The following TYMP variants were observed in gnomAD, a reference collection of about 807,000 sequenced individuals.
TYMP encodes thymidine phosphorylase, also known as gliostatin.
In TYMP, 46 loss-of-function variants were observed where a neutral mutation model predicts 42.3. That is an observed-to-expected ratio of 1.09 (90% CI 0.86 to 1.39). The LOEUF (loss-of-function observed/expected upper bound fraction) is 1.39. TYMP is among the 40% of genes most tolerant of loss of function. The pLI is 0.00. For synonymous variants in TYMP, 363 were observed against 308.0 expected, an observed-to-expected ratio of 1.18 and a Z score of -1.87; for missense variants, 837 against 677.6, an observed-to-expected ratio of 1.24 and a Z score of -2.61.
At chr22:50,528,489 G>A (rs1172319144) in intron 4 of TYMP, 23 bp downstream of exon 4, 3 of 1,593,474 alleles carry the variant, frequency 1.9e-6, no homozygotes, top group Non-Finnish European at 2.6e-6. Context: ...CTGGATTAAT[G>A]ACTGATCCGT....
At position 50,526,648 on chromosome 22, in the gene TYMP, C is replaced by A. The variant is rs866001342; in HGVS notation, c.856G>T (p.Glu286Ter). The change falls in exon 7 of 10, where the codon GAG becomes TAG. Residue 286 changes from glutamate to a stop codon, truncating the protein, a stop_gained. Coordinates refer to ENST00000252029, the MANE Select transcript of TYMP (RefSeq NM_001953.5). LOFTEE classifies it high-confidence loss of function. ...PLGRCVGHAL[E>*]VEEALLCMDG... is the part of the protein sequence containing the mutation. ...ATGCAGAGCAGCGCCTCCTCCACCTCCAGGGCGTGGCCCACGCAGCGACCC... is the reference window on the plus strand; with the variant it reads ...ATGCAGAGCAGCGCCTCCTCCACCTACAGGGCGTGGCCCACGCAGCGACCC... 1 of 1,565,144 alleles carries A rather than the reference C, an allele frequency of 6.4e-7. No homozygotes were observed. The highest frequency in any genetic ancestry group is 8.6e-7 in the Non-Finnish European group (1 of 1,157,106).
In TYMP at chr22:50,527,254, C is replaced by G; in HGVS notation, c.676G>C (p.Gly226Arg). 1.2e-6 allele frequency: 2 copies of G among 1,613,722 alleles called. No individual in the cohort carries two copies. The highest frequency in any genetic ancestry group is 1.1e-5 in the South Asian group (1 of 91,076). The change falls in exon 6 of 10, where the codon GGG (glycine) becomes CGG (arginine). Residue 226 changes from glycine to arginine, a missense_variant. Transcript: ENST00000252029. The stretch of plus-strand genomic sequence containing the variant: ...ACGTCCACCACCAGAGCGGACAGCC[C>G]CTCCACGAGTTTCTTACTGAGAATG... Reference protein sequence around the residue: ...ASILSKKLVEGLSALVVDVKF... With the variant: ...ASILSKKLVERLSALVVDVKF...
At chr22:50,529,763 G>T in intron 1 of TYMP, 44 bp from the exon 2 acceptor site, 1 of 1,536,436 alleles carries the variant, frequency 6.5e-7, no homozygotes. Flanking sequence ...GCCTCCCGGC[G>T]TCGGTGTCTG....
intron 9 of TYMP, 21 bp downstream of exon 9, chr22:50,525,979 GC>G: frequency 7.2e-7 from 1 of 1,390,978 alleles, no homozygotes; most frequent in Non-Finnish European, 9.3e-7. Context: ...TGCGGGGCCA[GC>G]AGGGCGGGGG....
rs1064792858 is a variant in TYMP, at chr22:50,529,548, G to C, written c.162C>G (p.Ile54Met). The C allele has an allele frequency of 1.2e-6, 2 of 1,613,156 alleles. No individual in the cohort carries two copies. The highest frequency in any genetic ancestry group is 1.7e-6 in the Non-Finnish European group (2 of 1,179,940). ...TCACCACAGCGGCCACGAAGCCCCT[G>C]ATGTCCGCTTCGCTCAGGCGGCCTC... ...RDGGRLSEAD[I>M]RGFVAAVVNG... is the part of the protein sequence containing the mutation. Residue 54 changes from isoleucine (I) to methionine (M), a missense_variant, in exon 2 of 10, where the codon ATC (isoleucine) becomes ATG (methionine). Ile to Met is a conservative substitution (Grantham distance 10). Transcript: ENST00000252029.
chr22:50,526,917 G>A (rs989155835), intron 6 of TYMP, among the ~76,000 whole-genome samples, 179 bp from the exon 7 acceptor site: 1 of 152,256 alleles, frequency 6.6e-6, no homozygotes, highest in Non-Finnish European at 1.5e-5. Flanking sequence ...GGGCCAGGAG[G>A]AACTTGTACT....
In TYMP at chr22:50,529,195, C is replaced by T. The variant is rs863224250; in HGVS notation, c.358G>A (p.Gly120Ser). 6.2e-7 allele frequency: 1 copy of T among 1,613,204 alleles called. No individual in the cohort carries two copies. The highest frequency in any genetic ancestry group is 8.5e-7 in the Non-Finnish European group (1 of 1,180,018). The change falls in exon 3 of 10, where the codon GGT becomes AGT. Residue 120 changes from glycine to serine, a missense_variant. Transcript: ENST00000252029. ...ACCAGGCTGACCTTGTCACCCACAC[C>T]CCCTGTGGAATGCTTGTCCACAAGC... The part of the protein sequence containing the change: ...QQLVDKHSTG[G>S]VGDKVSLVLA...
rs1216115088 is a variant in TYMP, at chr22:50,525,934, C to CT, written c.1301-17dup. ...CAGGGGGTCCCTGCAGAGCGAGGGG[C>CT]TGTTAGAGGCCGCGCGGCCGGAGCT... On this transcript the variant is annotated splice_polypyrimidine_tract_variant and intron_variant, in intron 9 of 9. Transcript: ENST00000252029. 1 of 1,440,506 alleles carries CT rather than the reference C, an allele frequency of 6.9e-7. No homozygotes were observed. The highest frequency in any genetic ancestry group is 9.1e-7 in the Non-Finnish European group (1 of 1,103,324). The allele number at this position is 1,440,506 out of a possible 1,614,324, so 89.2% of individuals were successfully genotyped here.
chr22:50,526,430 C>G lies in TYMP; in HGVS notation c.975G>C (p.Gln325His). 1.3e-6 allele frequency: 2 copies of G among 1,508,950 alleles called. No homozygotes were observed. The highest frequency in any genetic ancestry group is 1.8e-6 in the Non-Finnish European group (2 of 1,137,886). The allele number at this position is 1,508,950 out of a possible 1,614,324, so 93.5% of individuals were successfully genotyped here. The stretch of plus-strand genomic sequence containing the variant: ...GCGCCGCGGCCACCCGGGCAGCGCC[C>G]TGGGCCTGAGTCCCCGCGTGTCCGC... ...WLSGHAGTQA[Q>H]GAARVAAALD... The change falls in exon 8 of 10, where the codon CAG (glutamine) becomes CAC (histidine). Residue 325 changes from glutamine (Q) to histidine (H), a missense_variant. By Grantham distance (24) the Gln-to-His change is conservative. Transcript: ENST00000252029.
rs756372808 is a variant in TYMP at position 50,527,244 on chromosome 22, G to C, written c.686C>G (p.Ala229Gly). The C allele has an allele frequency of 8.1e-6, 13 of 1,613,644 alleles. No homozygotes were observed. The highest frequency in any genetic ancestry group is 1.1e-5 in the Non-Finnish European group (13 of 1,180,026). ...LSKKLVEGLSALVVDVKFGGA... is the reference protein window; with the variant it reads ...LSKKLVEGLSGLVVDVKFGGA... ...TCCGAACTTAACGTCCACCACCAGA[G>C]CGGACAGCCCCTCCACGAGTTTCTT... The change falls in exon 6 of 10, where the codon GCT becomes GGT. Residue 229 changes from alanine to glycine, a missense_variant. Coordinates refer to ENST00000252029, the MANE Select transcript of TYMP (RefSeq NM_001953.5).
rs554236485 is a variant in TYMP at position 50,529,795 on chromosome 22, C to T, written c.-10-76G>A. The T allele has an allele frequency of 3.4e-4, 445 of 1,305,524 alleles. No homozygotes were observed. The African/African-American group carries it at 5.6e-3, about 16-fold the overall frequency. 80.9% of individuals were successfully genotyped at this position (1,305,524 alleles called of 1,614,324 possible). A position where few individuals can be genotyped will look rare whatever the true frequency, so the allele number is the denominator to read the frequency against. ...TCTGAGCCACGTGCTCCTGTCCCGA[C>T]CCCTTTCCCGTGTCTCTCCGGTGTC... On this transcript the variant is annotated intron_variant, in intron 1 of 9. Transcript: ENST00000252029.
At chr22:50,528,464 G>A (rs1387349402) in intron 4 of TYMP, 48 bp downstream of exon 4, 4 of 1,488,302 alleles carry the variant, frequency 2.7e-6, no homozygotes, top group Non-Finnish European at 1.9e-6. Flanking sequence ...TCTGGCCAGG[G>A]TCTCCATCAT....
rs1055509931 is a variant in TYMP, at chr22:50,529,165, C to T, written c.388G>A (p.Ala130Thr). The T allele has an allele frequency of 2.5e-6, 4 of 1,613,084 alleles. No homozygotes were observed. Among genetic ancestry groups the T allele is most frequent in the African/African-American group, 1.3e-5 (1 of 74,916 alleles). Reference sequence around the variant, plus strand: ...CAGCCACATGCCGCCAGGGCAGGTGCGAGGACCAGGCTGACCTTGTCACCC... The same window carrying T: ...CAGCCACATGCCGCCAGGGCAGGTGTGAGGACCAGGCTGACCTTGTCACCC... The part of the protein sequence containing the change: ...GVGDKVSLVL[A>T]PALAACGCKV... Residue 130 changes from alanine (A) to threonine (T), a missense_variant, in exon 3 of 10, where the codon GCA becomes ACA. Coordinates refer to ENST00000252029, the MANE Select transcript of TYMP (RefSeq NM_001953.5).
chr22:50,528,802 C>T (rs987017775), intron 3 of TYMP, 192 bp from the exon 4 acceptor site: 10 of 645,758 alleles, frequency 1.5e-5, no homozygotes, highest in Admixed American at 4.5e-5. Context: ...GAGGTTGGTA[C>T]CTGTCCTTGG....
In TYMP at chr22:50,525,854, C is replaced by T. The variant is rs1024414923; in HGVS notation, c.1365G>A (p.Leu455=). The change falls in exon 10 of 10, where the codon CTG becomes CTA. Residue 455 remains leucine (L), a synonymous_variant. Transcript: ENST00000252029. ...PALSGPQSRA[L]QEALVLSDRA... is the part of the protein sequence containing the mutation. ...GGTCGGAGAGTACGAGCGCCTCCTG[C>T]AGGGCGCGGCTCTGCGGGCCGCTGA... 3 of 1,603,540 alleles carry T rather than the reference C, an allele frequency of 1.9e-6. No homozygotes were observed. Among genetic ancestry groups the T allele is most frequent in the Non-Finnish European group, 2.6e-6 (3 of 1,175,734 alleles).
In TYMP at chr22:50,529,142, G is replaced by A. The variant is rs754615215; in HGVS notation, c.411C>T (p.Gly137=). Residue 137 remains glycine, a synonymous_variant, in exon 3 of 10, where the codon GGC becomes GGT. Transcript: ENST00000252029. ...AAAGGAGGTGGTTTCTAACCTTGCAGCCACATGCCGCCAGGGCAGGTGCGA... is the reference window on the plus strand; with the variant it reads ...AAAGGAGGTGGTTTCTAACCTTGCAACCACATGCCGCCAGGGCAGGTGCGA... ...LVLAPALAAC[G]CKVPMISGRG... The A allele has an allele frequency of 2.4e-5, 38 of 1,612,996 alleles. No homozygotes were observed. Among genetic ancestry groups the A allele is most frequent in the Non-Finnish European group, 2.9e-5 (34 of 1,179,998 alleles).
In TYMP at chr22:50,528,344, C is replaced by A. The variant is rs77427356; in HGVS notation, c.516+168G>T. On this transcript the variant is annotated intron_variant, in intron 4 of 9. Coordinates refer to ENST00000252029, the MANE Select transcript of TYMP (RefSeq NM_001953.5). Reference sequence around the variant, plus strand: ...TTGACCAACTTCCCATTTTATGATCCTAATCAAAGTTCCACTGATGATTTC... The same window carrying A: ...TTGACCAACTTCCCATTTTATGATCATAATCAAAGTTCCACTGATGATTTC... The A allele has an allele frequency of 9.6e-3, 6,743 of 702,676 alleles. 266 individuals carry two copies. The highest frequency in any genetic ancestry group is 0.095 in the African/African-American group (5,455 of 57,152). The allele number at this position is 702,676 out of a possible 1,614,324, so 43.5% of individuals were successfully genotyped here. A position where few individuals can be genotyped will look rare whatever the true frequency, so the allele number is the denominator to read the frequency against.
rs761577330 is a variant in TYMP, at chr22:50,527,544, A to G, written c.646+44T>C. Reference sequence around the variant, plus strand: ...GGCCCTTGACTTGAGTTTGGAGGTCAGGAGCCTGTGAACATGCAGAAGCAG... The same window carrying G: ...GGCCCTTGACTTGAGTTTGGAGGTCGGGAGCCTGTGAACATGCAGAAGCAG... On this transcript the variant is annotated intron_variant, in intron 5 of 9. Transcript: ENST00000252029. 1.3e-5 allele frequency: 21 copies of G among 1,613,792 alleles called. No individual in the cohort carries two copies. The East Asian group carries it at 4.7e-4, about 36-fold the overall frequency.
At chr22:50,526,183 C>T (rs768918924) in intron 8 of TYMP, 42 bp from the exon 9 acceptor site, 44 of 1,471,366 alleles carry the variant, frequency 3.0e-5, no homozygotes, top group Non-Finnish European at 3.7e-5. Context: ...CGGGAAGGGG[C>T]GGGGCCTCGG....
Sources: gnomAD v4.1 joint callset for allele counts (sites outside exome capture counted in the v4.1 genomes callset) on GRCh38, gnomAD v4.1.1 for gene constraint, MANE v1.5 for transcripts, NCBI Gene and HGNC (gene_info 2026-07-23, HGNC 2026-07-21) for gene names.